The following AR variants were observed in gnomAD, a reference collection of about 807,000 sequenced individuals.
AR encodes the protein dihydrotestosterone receptor.
AR carries 8 observed loss-of-function variants against 53.9 expected under a neutral mutation model. The ratio of observed to expected loss-of-function variants is 0.15; its 90% confidence interval spans 0.09 to 0.27. The LOEUF (loss-of-function observed/expected upper bound fraction) is 0.27. Among genes scored for constraint, AR ranks in the 10% least tolerant of loss-of-function variants. The probability of loss-of-function intolerance (pLI) is 1.00; values close to 1 mark genes in which losing one functional copy is unlikely to be tolerated. For synonymous variants in AR, 359 were observed against 316.4 expected, an observed-to-expected ratio of 1.13 and a Z score of -1.43; for missense variants, 639 against 742.5, an observed-to-expected ratio of 0.86 and a Z score of 1.62.
chrX:67,710,167 G>A (rs1275404761), intron 3 of AR, among the ~76,000 whole-genome samples: 1 of 110,332 alleles, frequency 9.1e-6, no homozygotes, highest in Non-Finnish European at 1.9e-5. Context: ...TTCTTTCTGG[G>A]ACCCAAAGAA....
At chrX:67,696,992 G>A (rs1439530072) in intron 3 of AR, among the ~76,000 whole-genome samples, 2 of 112,149 alleles carry the variant, frequency 1.8e-5, no homozygotes, top group African/African-American at 3.2e-5. Flanking sequence ...TTGGTTTGGA[G>A]GAGGAAGGAA....
chrX:67,711,788 A>G, intron 4 of AR, 99 bp downstream of exon 4: 3 of 888,427 alleles, frequency 3.4e-6, no homozygotes, highest in Non-Finnish European at 4.6e-6. Context: ...CTGCCCATTA[A>G]CTCAGGCAGT....
At chrX:67,607,801 T>A (rs1023816231) in intron 1 of AR, among the ~76,000 whole-genome samples, 4 of 111,857 alleles carry the variant, frequency 3.6e-5, no homozygotes, top group Non-Finnish European at 7.5e-5. Context: ...CAAGCTGGAG[T>A]TCCACATGTA....
intron 2 of AR, among the ~76,000 whole-genome samples, chrX:67,663,377 C>T (rs1482502934): frequency 8.9e-6 from 1 of 111,807 alleles, no homozygotes; most frequent in Admixed American, 9.5e-5. Flanking sequence ...TTCTCCTTCA[C>T]CTATGAAGGT....
intron 2 of AR, among the ~76,000 whole-genome samples, chrX:67,668,188 C>G (rs995924621): frequency 8.9e-6 from 1 of 111,788 alleles, no homozygotes; most frequent in African/African-American, 3.2e-5. Context: ...TAGTATGATA[C>G]TAGCTATGGG....
intron 2 of AR, among the ~76,000 whole-genome samples, chrX:67,661,341 G>A (rs1162062443): frequency 9.0e-6 from 1 of 111,034 alleles, no homozygotes; most frequent in Non-Finnish European, 1.9e-5. Context: ...TATGATATTG[G>A]CTGTGGGTTT....
chrX:67,655,915 G>A (rs1012398956), intron 2 of AR, among the ~76,000 whole-genome samples: 2 of 112,182 alleles, frequency 1.8e-5, no homozygotes, highest in South Asian at 3.7e-4. Flanking sequence ...TTATGTCACT[G>A]TAGAAATGCT....
intron 1 of AR, among the ~76,000 whole-genome samples, chrX:67,620,094 A>T (rs1308844456): frequency 9.1e-6 from 1 of 110,251 alleles, no homozygotes. Context: ...TCTCGTCAAC[A>T]TTTCACTGCT....
chrX:67,569,856 G>T, intron 1 of AR, among the ~76,000 whole-genome samples: 1 of 111,206 alleles, frequency 9.0e-6, no homozygotes, highest in East Asian at 2.8e-4. Flanking sequence ...ACTGCTTCTA[G>T]GTATGTCTTT....
intron 1 of AR, among the ~76,000 whole-genome samples, chrX:67,614,050 A>T (rs886155846): frequency 1.8e-5 from 2 of 112,330 alleles, no homozygotes; most frequent in Non-Finnish European, 3.8e-5. Context: ...TGCCTGCTTC[A>T]TAATTCCCTA....
intron 2 of AR, among the ~76,000 whole-genome samples, chrX:67,659,014 A>G (rs1926728121): frequency 1.8e-5 from 2 of 111,211 alleles, no homozygotes; most frequent in Non-Finnish European, 3.8e-5. Flanking sequence ...TGTGGCTTCC[A>G]GATGATCAGA....
chrX:67,634,227 A>G lies in AR; in HGVS notation c.1617-9029A>G, dbSNP rs765632141. On this transcript the variant is annotated intron_variant, in intron 1 of 7. Transcript: ENST00000374690. ...GACAAGTCATTTGCTTTCTCTAAGTATCAGTTTGCATATATGCAAAATAGA... is the reference window on the plus strand; with the variant it reads ...GACAAGTCATTTGCTTTCTCTAAGTGTCAGTTTGCATATATGCAAAATAGA... Among the ~76,000 whole-genome samples the G allele has an allele frequency of 2.1e-4, 23 of 111,775 alleles. No homozygotes were observed. The South Asian group carries it at 8.2e-3, about 40-fold the overall frequency.
chrX:67,570,413 C>T (rs1239002487), intron 1 of AR, among the ~76,000 whole-genome samples: 2 of 111,842 alleles, frequency 1.8e-5, no homozygotes, highest in African/African-American at 3.2e-5. Flanking sequence ...TGTGTTGGTA[C>T]GTAGGTGTGC....
chrX:67,651,065 C>T, intron 2 of AR, among the ~76,000 whole-genome samples: 1 of 108,003 alleles, frequency 9.3e-6, no homozygotes, highest in South Asian at 4.2e-4. Flanking sequence ...GAGACGGAGT[C>T]TTGCTCTGTC....
At chrX:67,677,591 C>A (rs1176937360) in intron 2 of AR, among the ~76,000 whole-genome samples, 2 of 111,934 alleles carry the variant, frequency 1.8e-5, no homozygotes, top group African/African-American at 6.5e-5. Flanking sequence ...AATATAGCCT[C>A]TTATAAATCG....
intron 7 of AR, among the ~76,000 whole-genome samples, chrX:67,723,383 A>G (rs2076145230): frequency 1.0e-5 from 1 of 95,660 alleles, no homozygotes; most frequent in African/African-American, 3.9e-5. Flanking sequence ...AGAGAGATGG[A>G]GTGCGGAGGC....
At chrX:67,710,007 C>G (rs764817472) in intron 3 of AR, among the ~76,000 whole-genome samples, 8 of 111,279 alleles carry the variant, frequency 7.2e-5, no homozygotes, top group Non-Finnish European at 1.3e-4. Context: ...GCCTGCCAAC[C>G]TTTCCGTCTC....
At chrX:67,720,857 G>A (rs1052942600) in intron 5 of AR, among the ~76,000 whole-genome samples, 12 of 106,783 alleles carry the variant, frequency 1.1e-4, no homozygotes, top group Admixed American at 3.0e-4. Context: ...TTCTGCACAC[G>A]CTGCACAATC....
intron 1 of AR, 92 bp from the exon 2 acceptor site, chrX:67,643,164 G>T: frequency 9.7e-7 from 1 of 1,034,659 alleles, no homozygotes; most frequent in Non-Finnish European, 1.4e-6. Flanking sequence ...AGTCATTTAT[G>T]CCTGCAGGTT....
Sources: gnomAD v4.1 joint callset for allele counts (sites outside exome capture counted in the v4.1 genomes callset) on GRCh38, gnomAD v4.1.1 for gene constraint, MANE v1.5 for transcripts, NCBI Gene and HGNC (gene_info 2026-07-23, HGNC 2026-07-21) for gene names.